Variants in ZNF276 observed in about 807,000 individuals in gnomAD.
ZNF276 encodes the protein zinc finger protein 276.
In ZNF276, 59 loss-of-function variants were observed where a neutral mutation model predicts 63.9. The ratio of observed to expected loss-of-function variants is 0.92; its 90% CI spans 0.75 to 1.15. The LOEUF is 1.15. ZNF276 is among the 50% of genes most tolerant of loss of function. The pLI is 0.00. For missense variants in ZNF276, 1,084 were observed against 843.8 expected, an observed-to-expected ratio of 1.28 and a Z score of -3.53; for synonymous variants, 496 against 348.4, an observed-to-expected ratio of 1.42 and a Z score of -4.72.
chr16:89,721,516 T>C (rs2061271595), upstream of ZNF276: 5 of 893,592 alleles, frequency 5.6e-6, no homozygotes, highest in African/African-American at 3.6e-5. Context: ...CTCGCTTTGC[T>C]TCTCGCTCCG....
chr16:89,740,141 G>T lies in ZNF276; in HGVS notation c.*1895G>T. 1 of 1,503,322 alleles carries T rather than the reference G, an allele frequency of 6.7e-7. No individual in the cohort carries two copies. Among genetic ancestry groups the T allele is most frequent in the Non-Finnish European group, 9.3e-7 (1 of 1,080,060 alleles). 93.1% of individuals were successfully genotyped at this position (1,503,322 alleles called of 1,614,324 possible). On this transcript the variant is annotated 3_prime_UTR_variant, in exon 11 of 11. Transcript: ENST00000443381. The stretch of plus-strand genomic sequence containing the variant: ...ACCAACCCTGAGAATGGCCGACCTG[G>T]TGCTCCCATGGGTAGGAGGGTACAG...
At chr16:89,734,115 C>T (rs1017838374) in intron 9 of ZNF276, 77 bp downstream of exon 9, 8 of 1,393,876 alleles carry the variant, frequency 5.7e-6, no homozygotes, top group Admixed American at 5.4e-5. Context: ...TCCTCATACC[C>T]ATCCCCGCCC....
At position 89,739,295 on chromosome 16, in the gene ZNF276, G is replaced by C; in HGVS notation, c.*1049G>C. On this transcript the variant is annotated 3_prime_UTR_variant, in exon 11 of 11. Transcript: ENST00000443381. ...CATGGAAGTAGGAGAGAAGACTAGAGGTAAAGACATAGTGACAAATGGCTA... is the reference window on the plus strand; with the variant it reads ...CATGGAAGTAGGAGAGAAGACTAGACGTAAAGACATAGTGACAAATGGCTA... The C allele has an allele frequency of 6.2e-7, 1 of 1,614,126 alleles. No individual in the cohort carries two copies. Among genetic ancestry groups the C allele is most frequent in the Non-Finnish European group, 8.5e-7 (1 of 1,180,008 alleles).
intron 9 of ZNF276, among the ~76,000 whole-genome samples, chr16:89,735,736 A>G (rs1455718114): frequency 6.6e-6 from 1 of 151,996 alleles, no homozygotes; most frequent in East Asian, 1.9e-4. Flanking sequence ...TATTGATGGA[A>G]ACAGTCTCAC....
chr16:89,727,440 G>A (rs2151674243), intron 5 of ZNF276, 83 bp downstream of exon 5: 1 of 1,474,654 alleles, frequency 6.8e-7, no homozygotes, highest in South Asian at 1.2e-5. Context: ...AGAGAAGAGT[G>A]GGTTTAAACA....
chr16:89,740,703 C>A lies in ZNF276; in HGVS notation c.*2457C>A, dbSNP rs2062110801. The A allele has an allele frequency of 3.2e-6, 3 of 933,178 alleles. No individual in the cohort carries two copies. In the Admixed American group the frequency reaches 5.8e-5, roughly 18 times the overall value. The allele number at this position is 933,178 out of a possible 1,614,324, so 57.8% of individuals were successfully genotyped here. ...CACACTTCCGCAAACACAAGGAGCT[C>A]CTGAGCTAGTCTGGAAACCCTGACT... On this transcript the variant is annotated 3_prime_UTR_variant, in exon 11 of 11. Transcript: ENST00000443381.
intron 6 of ZNF276, among the ~76,000 whole-genome samples, chr16:89,730,272 C>T (rs1013315008): frequency 6.6e-6 from 1 of 152,150 alleles, no homozygotes; most frequent in Non-Finnish European, 1.5e-5. Flanking sequence ...TCCCTACCCC[C>T]AGGCTTGTTC....
upstream of ZNF276, chr16:89,721,455 G>A: frequency 2.0e-6 from 1 of 507,970 alleles, no homozygotes; most frequent in Non-Finnish European, 3.2e-6. Flanking sequence ...ACCGCGGGTG[G>A]AACCTCGGCC....
chr16:89,730,251 G>T (rs2061602334), intron 6 of ZNF276, among the ~76,000 whole-genome samples: 2 of 152,196 alleles, frequency 1.3e-5, no homozygotes, highest in African/African-American at 2.4e-5. Context: ...CCCAGAAAAG[G>T]TGCCCGGGGG....
chr16:89,737,873 C>G lies in ZNF276; in HGVS notation c.1542C>G (p.His514Gln). 6.2e-7 allele frequency: 1 copy of G among 1,614,194 alleles called. No individual in the cohort carries two copies. Among genetic ancestry groups the G allele is most frequent in the Middle Eastern group, 1.6e-4 (1 of 6,062 alleles). ...TFKQRKHLLVHQMRHSGAKPL... is the reference protein window; with the variant it reads ...TFKQRKHLLVQQMRHSGAKPL... Reference sequence around the variant, plus strand: ...AGCAGCGGAAGCACCTTCTCGTCCACCAAATGCGACATTCGGGAGCCAAGC... The same window carrying G: ...AGCAGCGGAAGCACCTTCTCGTCCAGCAAATGCGACATTCGGGAGCCAAGC... The change falls in exon 10 of 11, where the codon CAC becomes CAG. Residue 514 changes from histidine (H) to glutamine (Q), a missense_variant. His to Gln is a conservative substitution (Grantham distance 24). Coordinates refer to ENST00000443381, the MANE Select transcript of ZNF276 (RefSeq NM_001113525.2).
In ZNF276 at chr16:89,737,918, C is replaced by G; in HGVS notation, c.1574+13C>G. ...CCAAGCCTTTGCAGTAAGTGTGAGT[C>G]AGGACCCCCTCCCAGGGCTGTGGCC... On this transcript the variant is annotated intron_variant, in intron 10 of 10. Coordinates refer to ENST00000443381, the MANE Select transcript of ZNF276 (RefSeq NM_001113525.2). 12 of 1,565,080 alleles carry G rather than the reference C, an allele frequency of 7.7e-6. No homozygotes were observed. The highest frequency in any genetic ancestry group is 5.6e-5 in the South Asian group (5 of 89,054).
At chr16:89,737,783 C>T (rs1245964982) in intron 9 of ZNF276, 23 bp from the exon 10 acceptor site, 5 of 1,613,958 alleles carry the variant, frequency 3.1e-6, no homozygotes, top group Non-Finnish European at 3.4e-6. Context: ...GGGGCCTGGA[C>T]TCACTGGACT....
chr16:89,738,681 G>C lies in ZNF276; in HGVS notation c.*435G>C, dbSNP rs2062031057. The C allele has an allele frequency of 1.2e-6, 2 of 1,613,838 alleles. No individual in the cohort carries two copies. Among genetic ancestry groups the C allele is most frequent in the Non-Finnish European group, 1.7e-6 (2 of 1,180,024 alleles). On this transcript the variant is annotated 3_prime_UTR_variant, in exon 11 of 11. Transcript: ENST00000443381. ...CTCTGGAGGGCGGCGCTCACCTCTG[G>C]GTCGCAGTCCCCACGATCAGCCAGC... is the stretch of plus-strand genomic sequence containing the variant.
At position 89,739,362 on chromosome 16, in the gene ZNF276, C is replaced by G. The variant is rs1161524655; in HGVS notation, c.*1116C>G. ...TAGCAGGTGATGCCAAGGGATACTG[C>G]TCATCTGTGGAGCAGAGGCACAGAC... On this transcript the variant is annotated 3_prime_UTR_variant, in exon 11 of 11. Coordinates refer to ENST00000443381, the MANE Select transcript of ZNF276 (RefSeq NM_001113525.2). The G allele has an allele frequency of 6.3e-7, 1 of 1,599,022 alleles. No homozygotes were observed. Among genetic ancestry groups the G allele is most frequent in the African/African-American group, 1.3e-5 (1 of 74,666 alleles).
At chr16:89,720,483 C>CT (rs1453738318), upstream of ZNF276, 1 of 1,112,266 alleles carries the variant, frequency 9.0e-7, no homozygotes, top group African/African-American at 1.6e-5. Context: ...CTGGCGGACC[C>CT]TCCTGCTACA....
chr16:89,723,102 C>T (rs1285382599), intron 2 of ZNF276, 35 bp from the exon 3 acceptor site: 2 of 1,613,044 alleles, frequency 1.2e-6, no homozygotes, highest in South Asian at 1.1e-5. Flanking sequence ...CCTCCGCCTG[C>T]TTGTCCTGCT....
chr16:89,725,847 CTT>C (rs2061453199), intron 4 of ZNF276, among the ~76,000 whole-genome samples: 1 of 152,202 alleles, frequency 6.6e-6, no homozygotes, highest in African/African-American at 2.4e-5. Flanking sequence ...GGGTCTCACT[CTT>C]TTGCCCAGGC....
rs1217081815 is a variant in ZNF276, at chr16:89,736,687, TGA to T, written c.1475-1115_1475-1114del. ...GTGCACACCTGTGGTCCCAGCTACT[TGA>T]GAGGTTGAGGCAGGAGGATCACTTA... is the stretch of plus-strand genomic sequence containing the variant. On this transcript the variant is annotated intron_variant, in intron 9 of 10. Coordinates refer to ENST00000443381, the MANE Select transcript of ZNF276 (RefSeq NM_001113525.2). 2.0e-5 allele frequency among the ~76,000 whole-genome samples: 3 copies of T among 149,884 alleles called. No individual in the cohort carries two copies. In the East Asian group the frequency reaches 6.0e-4, roughly 30 times the overall value.
In ZNF276 at chr16:89,739,267, C is replaced by G. The variant is rs1394184058; in HGVS notation, c.*1021C>G. 2.8e-5 allele frequency: 46 copies of G among 1,614,048 alleles called. No individual in the cohort carries two copies. Among genetic ancestry groups the G allele is most frequent in the Non-Finnish European group, 3.9e-5 (46 of 1,180,062 alleles). ...AAGGCCTCTTCCCTGATGGCCGCGT[C>G]TTCATGGAAGTAGGAGAGAAGACTA... On this transcript the variant is annotated 3_prime_UTR_variant, in exon 11 of 11. Coordinates refer to ENST00000443381, the MANE Select transcript of ZNF276 (RefSeq NM_001113525.2).
Sources: gnomAD v4.1 joint callset for allele counts (sites outside exome capture counted in the v4.1 genomes callset) on GRCh38, gnomAD v4.1.1 for gene constraint, MANE v1.5 for transcripts, NCBI Gene and HGNC (gene_info 2026-07-23, HGNC 2026-07-21) for gene names.